DST: variants seen among roughly 807,000 people sequenced by gnomAD.
DST encodes the protein bullous pemphigoid antigen.
In DST, 253 loss-of-function variants were observed where a neutral mutation model predicts 875.2. The ratio of observed to expected loss-of-function variants is 0.29; its 90% CI spans 0.26 to 0.32. The LOEUF is 0.32. Among genes scored for constraint, DST ranks in the 10% least tolerant of loss-of-function variants. The pLI is 1.00. For missense variants in DST, 8,287 were observed against 9,111.6 expected (o/e 0.91, Z 3.68); for synonymous variants, 3,124 against 3,197.1 (o/e 0.98, Z 0.77).
intron 80 of DST, among the ~76,000 whole-genome samples, chr6:56,498,726 G>GA (rs1179854289): frequency 6.6e-6 from 1 of 151,920 alleles, no homozygotes. Flanking sequence ...TTCTGAAAGA[G>GA]AAAAAAAATT....
rs1275680085 is a variant in DST at position 56,561,501 on chromosome 6, TCATAAC to T, written c.14111_14116del (p.Gly4704_Tyr4705del). On this transcript the variant is annotated inframe_deletion, in exon 57 of 104. Coordinates refer to ENST00000680361, the MANE Select transcript of DST (RefSeq NM_001374736.1). ...GTCCTTGAGTAAGAGGCCAAGATCT[TCATAAC>T]CATGACTTATGTCAGTCATGTCCTT... 6.2e-7 allele frequency: 1 copy of T among 1,613,774 alleles called. No individual in the cohort carries two copies.
At chr6:56,684,712 A>G (rs1039306440) in intron 9 of DST, among the ~76,000 whole-genome samples, 4 of 152,212 alleles carry the variant, frequency 2.6e-5, no homozygotes, top group African/African-American at 9.6e-5. Context: ...CAGCAGCCAC[A>G]GTAATCCAGC....
intron 4 of DST, among the ~76,000 whole-genome samples, chr6:56,838,944 T>C (rs1047928678): frequency 5.3e-5 from 8 of 152,248 alleles, no homozygotes. Flanking sequence ...AAATTTTAAG[T>C]TCCCAATTTT....
intron 5 of DST, among the ~76,000 whole-genome samples, chr6:56,721,496 A>C (rs545233420): frequency 1.3e-5 from 2 of 152,112 alleles, no homozygotes; most frequent in Non-Finnish European, 2.9e-5. Context: ...TAAAAGTATT[A>C]ATTTGGGGAA....
At chr6:56,853,747 A>T (rs887018394) in intron 3 of DST, among the ~76,000 whole-genome samples, 1 of 152,156 alleles carries the variant, frequency 6.6e-6, no homozygotes, top group Non-Finnish European at 1.5e-5. Context: ...CGACATAAAC[A>T]CCATTAATCA....
intron 17 of DST, 130 bp from the exon 18 acceptor site, chr6:56,640,735 T>C (rs1363219891): frequency 3.6e-5 from 27 of 753,236 alleles, no homozygotes; most frequent in Non-Finnish European, 5.3e-5. Flanking sequence ...TTAGCAAATG[T>C]GCCACACTAA....
chr6:56,937,712 C>T (rs1189668350), intron 2 of DST, among the ~76,000 whole-genome samples: 4 of 152,152 alleles, frequency 2.6e-5, no homozygotes, highest in Non-Finnish European at 2.9e-5. Context: ...ATATTCACAG[C>T]GGTGCTATTT....
Position 56,463,132 on chromosome 6 carries a change from A to C in DST, c.22984T>G (p.Tyr7662Asp). ...PKILHPLTRN[Y>D]GKPWLTNSKM... ...CTGTTTGTCAACCATGGTTTACCAT[A>C]ATTGCGTGTTAAAGGATGGAGAATC... The change falls in exon 102 of 104, where the codon TAT (tyrosine) becomes GAT (aspartate). Residue 7662 changes from tyrosine (Y) to aspartate (D), a missense_variant. Around this residue, in one of 10 missense-constraint regions of DST, gnomAD observed 240 missense variants for 237.3 expected, o/e 1.01. Transcript: ENST00000680361. 1 of 1,612,798 alleles carries C rather than the reference A, an allele frequency of 6.2e-7. No individual in the cohort carries two copies. Among genetic ancestry groups the C allele is most frequent in the Non-Finnish European group, 8.5e-7 (1 of 1,178,838 alleles).
chr6:56,574,376 T>C (rs993652558), intron 50 of DST, among the ~76,000 whole-genome samples: 1 of 152,144 alleles, frequency 6.6e-6, no homozygotes, highest in Non-Finnish European at 1.5e-5. Flanking sequence ...ATTATCACCC[T>C]ATCTCCCTCC....
At chr6:56,898,623 G>A (rs1295946147) in intron 3 of DST, among the ~76,000 whole-genome samples, 1 of 152,116 alleles carries the variant, frequency 6.6e-6, no homozygotes, top group Non-Finnish European at 1.5e-5. Context: ...TTTCTAATCT[G>A]GCCTCTACCC....
chr6:56,686,251 A>G (rs929471444), intron 9 of DST, among the ~76,000 whole-genome samples: 12 of 152,240 alleles, frequency 7.9e-5, no homozygotes, highest in Non-Finnish European at 2.9e-5. Flanking sequence ...CTAAACATTG[A>G]GTACACACAG....
chr6:56,840,789 G>A (rs1481863637), intron 4 of DST, among the ~76,000 whole-genome samples: 1 of 152,076 alleles, frequency 6.6e-6, no homozygotes, highest in Non-Finnish European at 1.5e-5. Flanking sequence ...TAAATCTAAT[G>A]CTCATAATTC....
chr6:56,548,226 G>T (rs1207004393), intron 61 of DST, among the ~76,000 whole-genome samples: 1 of 152,226 alleles, frequency 6.6e-6, no homozygotes, highest in Non-Finnish European at 1.5e-5. Flanking sequence ...TGTTATTTAA[G>T]AAAGTTTATG....
In DST at chr6:56,504,983, C is replaced by G. The variant is rs114251620; in HGVS notation, c.19465-885G>C. Reference sequence around the variant, plus strand: ...CAAGTGATCCTCCCACCTCAGCCTCCCAAAGCACTGGGATATTTTGCACTT... The same window carrying G: ...CAAGTGATCCTCCCACCTCAGCCTCGCAAAGCACTGGGATATTTTGCACTT... On this transcript the variant is annotated intron_variant, in intron 77 of 103. Coordinates refer to ENST00000680361, the MANE Select transcript of DST (RefSeq NM_001374736.1). 8.9e-3 allele frequency among the ~76,000 whole-genome samples: 1,356 copies of G among 152,246 alleles called. 21 individuals are homozygous for G. Among genetic ancestry groups the G allele is most frequent in the African/African-American group, 0.031 (1,306 of 41,542 alleles).
intron 4 of DST, among the ~76,000 whole-genome samples, chr6:56,845,773 C>A (rs116087843): frequency 6.6e-6 from 1 of 152,160 alleles, no homozygotes; most frequent in African/African-American, 2.4e-5. Flanking sequence ...CCCAGTAGCA[C>A]CCAGTTTTAT....
chr6:56,634,176 G>A lies in DST; in HGVS notation c.3577C>T (p.Leu1193Phe), dbSNP rs1167020024. 1 of 1,613,456 alleles carries A rather than the reference G, an allele frequency of 6.2e-7. No individual in the cohort carries two copies. Residue 1193 changes from leucine to phenylalanine, a missense_variant, in exon 27 of 104, where the codon CTC becomes TTC. Coordinates refer to ENST00000680361, the MANE Select transcript of DST (RefSeq NM_001374736.1). ...CGAATTCTATCAATTTCATTGATGAGATAATGCCAGGATACTACACTCTTC... is the reference window on the plus strand; with the variant it reads ...CGAATTCTATCAATTTCATTGATGAAATAATGCCAGGATACTACACTCTTC... ...NMKSVVSWHY[L>F]INEIDRIRAS...
intron 9 of DST, among the ~76,000 whole-genome samples, chr6:56,674,224 G>A (rs1211229693): frequency 6.6e-6 from 1 of 152,046 alleles, no homozygotes. Flanking sequence ...TGCTGCCTCA[G>A]TTTAAATCTT....
chr6:56,552,788 A>C lies in DST; in HGVS notation c.16004T>G (p.Leu5335Arg). 10 of 1,610,912 alleles carry C rather than the reference A, an allele frequency of 6.2e-6. No individual in the cohort carries two copies. Among genetic ancestry groups the C allele is most frequent in the Non-Finnish European group, 8.5e-6 (10 of 1,179,874 alleles). Residue 5335 changes from leucine to arginine, a missense_variant, in exon 61 of 104, where the codon CTT (leucine) becomes CGT (arginine). Transcript: ENST00000680361. ...LKHQVDLAKRLAQDLVVEASD... is the reference protein window; with the variant it reads ...LKHQVDLAKRRAQDLVVEASD... ...GGCCTCTACCACAAGGTCCTGTGCA[A>C]GTCTTTTAGCCAAATCTACCTGATG...
At chr6:56,487,049 T>A (rs2095594371) in intron 87 of DST, 55 bp downstream of exon 87, 1 of 1,560,516 alleles carries the variant, frequency 6.4e-7, no homozygotes, top group African/African-American at 1.4e-5. Context: ...GCACCATTAC[T>A]GTGTATTTGA....
Sources: allele counts gnomAD v4.1 joint callset (sites outside exome capture counted in the v4.1 genomes callset), GRCh38; gene constraint gnomAD v4.1.1; regional missense constraint gnomAD v4.1.1; transcripts MANE v1.5; gene names NCBI Gene and HGNC (gene_info 2026-07-23, HGNC 2026-07-21).